The following MMP26 variants were observed in gnomAD, a reference collection of about 807,000 sequenced individuals.
The protein encoded by MMP26 is matrix metalloproteinase-26.
In MMP26, 33 loss-of-function variants were observed where a neutral mutation model predicts 31.0. That is an observed-to-expected ratio of 1.06 (90% CI 0.81 to 1.42). The LOEUF (loss-of-function observed/expected upper bound fraction) is 1.42, where lower values mean the gene tolerates loss of function less well. Among genes scored for constraint, MMP26 ranks in the 40% most tolerant of loss-of-function variants. The pLI is 0.00. For synonymous variants in MMP26, 122 were observed against 114.9 expected (o/e 1.06, Z -0.40); for missense variants, 347 against 316.1 (o/e 1.10, Z -0.74).
chr11:4,930,115 A>C lies in MMP26; in HGVS notation c.-144-57953A>C, dbSNP rs529351928. On this transcript the variant is annotated intron_variant, in intron 2 of 7. Transcript: ENST00000380390. ...AACCAAATTAGGACATTTTGTGGCA[A>C]AGATTATATTAATTTTAAAAATAAA... Among the ~76,000 whole-genome samples the C allele has an allele frequency of 5.9e-5, 9 of 152,226 alleles. No homozygotes were observed. In the East Asian group the frequency reaches 1.5e-3, roughly 26 times the overall value.
intron 2 of MMP26, among the ~76,000 whole-genome samples, chr11:4,799,802 C>G (rs1849157203): frequency 6.6e-6 from 1 of 152,128 alleles, no homozygotes; most frequent in South Asian, 2.1e-4. Flanking sequence ...GAGAAATTGT[C>G]CAAAAGAAAG....
At position 4,854,218 on chromosome 11, in the gene MMP26, G is replaced by C. The variant is rs112176484; in HGVS notation, c.-145+86877G>C. On this transcript the variant is annotated intron_variant, in intron 2 of 7. Coordinates refer to ENST00000380390, the MANE Select transcript of MMP26 (RefSeq NM_021801.5). ...CAGGTTCATCTCACTGGGGCTTGTT[G>C]GACAGTGGGTGCAGGCCACAGAGTG... is the stretch of plus-strand genomic sequence containing the variant. 1.4e-3 allele frequency among the ~76,000 whole-genome samples: 217 copies of C among 152,286 alleles called. 2 individuals carry two copies. The highest frequency in any genetic ancestry group is 4.9e-3 in the African/African-American group (205 of 41,562).
intron 2 of MMP26, among the ~76,000 whole-genome samples, chr11:4,849,501 C>T (rs1849943157): frequency 6.6e-6 from 1 of 152,106 alleles, no homozygotes; most frequent in Non-Finnish European, 1.5e-5. Context: ...TAGCTTGCCT[C>T]TCCCTGTAGT....
At chr11:4,708,451 C>T (rs7123544) in intron 1 of MMP26, among the ~76,000 whole-genome samples, 45,258 of 151,910 alleles carry the variant, frequency 0.3, 7,797 homozygotes, top group African/African-American at 0.47. Context: ...CTAAGTTAAC[C>T]TATACTCAAA....
chr11:4,780,043 T>C (rs1161244042), intron 2 of MMP26, among the ~76,000 whole-genome samples: 2 of 152,198 alleles, frequency 1.3e-5, no homozygotes, highest in Admixed American at 1.3e-4. Context: ...ATTATCATCA[T>C]TGCATAGAAT....
chr11:4,957,525 C>T (rs1026569115), intron 2 of MMP26, among the ~76,000 whole-genome samples: 1 of 151,986 alleles, frequency 6.6e-6, no homozygotes, highest in African/African-American at 2.4e-5. Flanking sequence ...TCCTTTCCCC[C>T]GATGAGAAAA....
chr11:4,760,852 A>G (rs1848561910), intron 1 of MMP26, among the ~76,000 whole-genome samples: 1 of 152,218 alleles, frequency 6.6e-6, no homozygotes, highest in Non-Finnish European at 1.5e-5. Context: ...CCAATTCAAA[A>G]TATAATTTAA....
Position 4,931,992 on chromosome 11 carries a change from A to C in MMP26, c.-144-56076A>C, listed in dbSNP as rs568280001. Reference sequence around the variant, plus strand: ...ATCTTGCTTCCTTGATCCCTCAGAAAAATGAACGTAGCAGCTCAACAAGAA... The same window carrying C: ...ATCTTGCTTCCTTGATCCCTCAGAACAATGAACGTAGCAGCTCAACAAGAA... On this transcript the variant is annotated intron_variant, in intron 2 of 7. Transcript: ENST00000380390. Among the ~76,000 whole-genome samples, 623 of 152,224 alleles carry C rather than the reference A, an allele frequency of 4.1e-3. 2 individuals are homozygous for C. The highest frequency in any genetic ancestry group is 0.014 in the African/African-American group (571 of 41,558).
intron 2 of MMP26, among the ~76,000 whole-genome samples, chr11:4,941,740 T>C (rs551955172): frequency 5.3e-4 from 24 of 45,066 alleles, no homozygotes; most frequent in Admixed American, 1.6e-3. Context: ...TTCATTTTTA[T>C]AAAAAGGAAA....
Position 4,988,223 on chromosome 11 carries a change from C to T in MMP26, c.12C>T (p.Val4=). 6.2e-7 allele frequency: 1 copy of T among 1,614,056 alleles called. No homozygotes were observed. Among genetic ancestry groups the T allele is most frequent in the African/African-American group, 1.3e-5 (1 of 75,016 alleles). Residue 4 remains valine, a synonymous_variant, in exon 3 of 8, where the codon GTC becomes GTT. Transcript: ENST00000380390. MQL[V]ILRVTIFLPW... is the part of the protein sequence containing the mutation. ...AATGAGGGTTTGGCATGCAGCTCGT[C>T]ATCTTAAGAGTTACTATCTTCTTGC...
At chr11:4,790,232 T>C (rs568458692) in intron 2 of MMP26, among the ~76,000 whole-genome samples, 4 of 152,014 alleles carry the variant, frequency 2.6e-5, no homozygotes, top group Non-Finnish European at 1.5e-5. Context: ...TCCCAGCTAC[T>C]CGGGAGGCTG....
At chr11:4,745,814 A>C (rs1045190293) in intron 1 of MMP26, among the ~76,000 whole-genome samples, 25 of 152,130 alleles carry the variant, frequency 1.6e-4, no homozygotes, top group Admixed American at 1.5e-3. Context: ...TAATATCTCC[A>C]AAGTTTTGCC....
chr11:4,847,968 C>A (rs1249660387), intron 2 of MMP26: 3 of 401,420 alleles, frequency 7.5e-6, no homozygotes, highest in African/African-American at 4.1e-5. Context: ...TAACAACAGG[C>A]ACACACTTGG....
chr11:4,958,886 C>T (rs1402283440), intron 2 of MMP26, among the ~76,000 whole-genome samples: 3 of 152,104 alleles, frequency 2.0e-5, no homozygotes, highest in Non-Finnish European at 4.4e-5. Flanking sequence ...AGGAGATGAA[C>T]AAGAAATAAT....
chr11:4,732,335 T>A (rs1244554535), intron 1 of MMP26, among the ~76,000 whole-genome samples: 1 of 152,148 alleles, frequency 6.6e-6, no homozygotes, highest in Non-Finnish European at 1.5e-5. Context: ...TCTTCTTATT[T>A]TTATAGGCTA....
At chr11:4,833,829 T>A (rs1005130115) in intron 2 of MMP26, among the ~76,000 whole-genome samples, 3 of 152,182 alleles carry the variant, frequency 2.0e-5, no homozygotes, top group Non-Finnish European at 4.4e-5. Flanking sequence ...ATAGTAAAGA[T>A]AAGGGACTGA....
chr11:4,808,624 A>G (rs1201797142), intron 2 of MMP26, among the ~76,000 whole-genome samples: 1 of 151,828 alleles, frequency 6.6e-6, no homozygotes, highest in African/African-American at 2.4e-5. Context: ...TTTACAAACC[A>G]GTTTCTGTCT....
chr11:4,809,501 G>T (rs958745717), intron 2 of MMP26, among the ~76,000 whole-genome samples: 6 of 152,182 alleles, frequency 3.9e-5, no homozygotes, highest in Non-Finnish European at 7.3e-5. Flanking sequence ...AAGTTCATCA[G>T]TCAGCTGTGT....
chr11:4,915,210 C>G, intron 2 of MMP26: 2 of 1,613,952 alleles, frequency 1.2e-6, no homozygotes, highest in South Asian at 1.1e-5. Flanking sequence ...CCCAGAGAGA[C>G]CAGGCCAATC....
Sources: gnomAD v4.1 joint callset for allele counts (sites outside exome capture counted in the v4.1 genomes callset) on GRCh38, gnomAD v4.1.1 for gene constraint, MANE v1.5 for transcripts, NCBI Gene and HGNC (gene_info 2026-07-23, HGNC 2026-07-21) for gene names.